Variants in KCNT2 observed in about 807,000 individuals in gnomAD.
KCNT2 encodes potassium sodium-activated channel subfamily T member 2.
In KCNT2, 67 loss-of-function variants were observed where a neutral mutation model predicts 153.8. The observed-to-expected ratio is 0.44, with a 90% confidence interval of 0.36 to 0.53. The LOEUF is 0.53. KCNT2 is among the 20% of genes least tolerant of loss of function. The pLI is 0.00. For missense variants in KCNT2, 975 were observed against 1,354.8 expected (o/e 0.72, Z 4.40); for synonymous variants, 500 against 458.8 (o/e 1.09, Z -1.15).
In KCNT2 at chr1:196,340,484, G is replaced by A. The variant is rs774233172; in HGVS notation, c.1640C>T (p.Thr547Ile). The change falls in exon 16 of 28, where the codon ACA becomes ATA. Residue 547 changes from threonine (T) to isoleucine (I), a missense_variant. This residue lies in a region of KCNT2 where 325 missense variants were observed against 388.1 expected (regional missense o/e 0.84). Transcript: ENST00000294725. Reference protein sequence around the residue: ...NPGPRYIMNSTDICFYINITK... With the variant: ...NPGPRYIMNSIDICFYINITK... ...AATATTAATATAAAAGCATATGTCTGTAGAATTCATAATGTATCGAGGACC... is the reference window on the plus strand; with the variant it reads ...AATATTAATATAAAAGCATATGTCTATAGAATTCATAATGTATCGAGGACC... 14 of 1,611,450 alleles carry A rather than the reference G, an allele frequency of 8.7e-6. No individual in the cohort carries two copies. The highest frequency in any genetic ancestry group is 1.1e-5 in the Non-Finnish European group (13 of 1,178,244).
chr1:196,338,761 A>G (rs1227754965), intron 16 of KCNT2, among the ~76,000 whole-genome samples: 2 of 151,922 alleles, frequency 1.3e-5, no homozygotes, highest in East Asian at 3.9e-4. Context: ...CAGGGAGAGA[A>G]GGATGGAGGC....
chr1:196,541,135 C>T (rs944752800), intron 1 of KCNT2, among the ~76,000 whole-genome samples: 3 of 6,924 alleles, frequency 4.3e-4, no homozygotes, highest in African/African-American at 5.6e-4. Context: ...GGTGACTGTA[C>T]TGAGATAAAA....
intron 26 of KCNT2, among the ~76,000 whole-genome samples, chr1:196,248,087 T>G (rs770456405): frequency 6.6e-6 from 1 of 152,030 alleles, no homozygotes; most frequent in African/African-American, 2.4e-5. Context: ...ATTGAAAGAT[T>G]TCTCAAAACA....
intron 1 of KCNT2, among the ~76,000 whole-genome samples, chr1:196,520,664 C>A (rs1005785183): frequency 1.3e-5 from 2 of 152,112 alleles, no homozygotes; most frequent in African/African-American, 4.8e-5. Flanking sequence ...ACCATCTGAT[C>A]TTTGACAAAG....
At chr1:196,340,807 T>G (rs911277366) in intron 15 of KCNT2, among the ~76,000 whole-genome samples, 1 of 151,970 alleles carries the variant, frequency 6.6e-6, no homozygotes, top group Non-Finnish European at 1.5e-5. Flanking sequence ...ATAAGAAACA[T>G]GAGTGCATGT....
At chr1:196,440,146 T>A (rs897743069) in intron 8 of KCNT2, among the ~76,000 whole-genome samples, 5 of 152,020 alleles carry the variant, frequency 3.3e-5, no homozygotes, top group African/African-American at 1.2e-4. Flanking sequence ...GTCTTTTTAT[T>A]TGTTTAATAT....
intron 1 of KCNT2, among the ~76,000 whole-genome samples, chr1:196,596,679 A>G (rs567750388): frequency 6.6e-6 from 1 of 152,230 alleles, no homozygotes; most frequent in South Asian, 2.1e-4. Flanking sequence ...TTAATAACCA[A>G]ATTCAGGATT....
intron 13 of KCNT2, among the ~76,000 whole-genome samples, chr1:196,384,817 T>C (rs537084208): frequency 1.8e-4 from 27 of 152,016 alleles, no homozygotes; most frequent in Non-Finnish European, 4.0e-4. Context: ...AAATCATCCC[T>C]TGAATTAGGC....
chr1:196,319,330 T>C (rs1663048882), intron 20 of KCNT2, among the ~76,000 whole-genome samples, 154 bp downstream of exon 20: 1 of 151,838 alleles, frequency 6.6e-6, no homozygotes, highest in Non-Finnish European at 1.5e-5. Context: ...TAATACAAGA[T>C]GTATAACACG....
At chr1:196,293,836 A>G (rs531284897) in intron 22 of KCNT2, among the ~76,000 whole-genome samples, 1 of 151,186 alleles carries the variant, frequency 6.6e-6, no homozygotes, top group Non-Finnish European at 1.5e-5. Flanking sequence ...GGATTATAAC[A>G]AACTAAAAGG....
At chr1:196,381,062 C>T (rs1341557831) in intron 13 of KCNT2, among the ~76,000 whole-genome samples, 1 of 152,052 alleles carries the variant, frequency 6.6e-6, no homozygotes, top group South Asian at 2.1e-4. Context: ...AGAATCTAAC[C>T]CAATTTGAGA....
intron 19 of KCNT2, among the ~76,000 whole-genome samples, chr1:196,325,114 C>T (rs1390007429): frequency 6.6e-6 from 1 of 152,042 alleles, no homozygotes; most frequent in Admixed American, 6.6e-5. Flanking sequence ...GAGTGAACTC[C>T]AGTCCCAGAT....
intron 25 of KCNT2, among the ~76,000 whole-genome samples, chr1:196,275,268 A>G (rs1473006759): frequency 6.6e-6 from 1 of 151,802 alleles, no homozygotes; most frequent in Non-Finnish European, 1.5e-5. Context: ...AAATTCCCTG[A>G]ACTGAAAACA....
At chr1:196,376,195 A>G (rs1309354349) in intron 13 of KCNT2, among the ~76,000 whole-genome samples, 2 of 151,622 alleles carry the variant, frequency 1.3e-5, no homozygotes, top group African/African-American at 2.4e-5. Flanking sequence ...TTTTTTTCCC[A>G]TTGTCATTCT....
chr1:196,261,911 G>C (rs1171362369), intron 25 of KCNT2, among the ~76,000 whole-genome samples: 1 of 151,448 alleles, frequency 6.6e-6, no homozygotes, highest in African/African-American at 2.4e-5. Flanking sequence ...AAATGCTTCT[G>C]GTAATATATA....
chr1:196,333,629 T>C (rs1042043271), intron 17 of KCNT2, among the ~76,000 whole-genome samples: 4 of 152,070 alleles, frequency 2.6e-5, no homozygotes, highest in East Asian at 1.9e-4. Context: ...TGGAAATATA[T>C]GTTGAAGCCA....
chr1:196,537,053 G>T (rs1655681435), intron 1 of KCNT2, among the ~76,000 whole-genome samples: 1 of 152,154 alleles, frequency 6.6e-6, no homozygotes, highest in Admixed American at 6.5e-5. Context: ...ACTACCTGTG[G>T]ATACATGCAC....
intron 21 of KCNT2, among the ~76,000 whole-genome samples, chr1:196,308,105 G>C (rs1484427013): frequency 6.6e-6 from 1 of 151,902 alleles, no homozygotes; most frequent in Non-Finnish European, 1.5e-5. Flanking sequence ...TTCATGCACT[G>C]AACTTTAAAA....
chr1:196,359,941 A>G (rs1667483636), intron 14 of KCNT2, among the ~76,000 whole-genome samples: 1 of 152,080 alleles, frequency 6.6e-6, no homozygotes, highest in African/African-American at 2.4e-5. Context: ...TAAGGCAGAT[A>G]TATTTAAATC....
Sources: allele counts gnomAD v4.1 joint callset (sites outside exome capture counted in the v4.1 genomes callset), GRCh38; gene constraint gnomAD v4.1.1; regional missense constraint gnomAD v4.1.1; transcripts MANE v1.5; gene names NCBI Gene and HGNC (gene_info 2026-07-23, HGNC 2026-07-21).